Variants in TEX11 observed in about 807,000 individuals in gnomAD.
TEX11 encodes the protein testis-expressed protein 11.
Under a neutral mutation model 84.4 loss-of-function variants are expected in TEX11, and 7 were observed. The observed-to-expected ratio is 0.08, with a 90% confidence interval of 0.05 to 0.16. The LOEUF (loss-of-function observed/expected upper bound fraction) is 0.16, where lower values mean the gene tolerates loss of function less well. Ranked by LOEUF, TEX11 falls within the 10% of genes least tolerant of loss-of-function variation. The probability of loss-of-function intolerance (pLI) is 1.00; values close to 1 mark genes in which losing one functional copy is unlikely to be tolerated. For synonymous variants in TEX11, 264 were observed against 222.8 expected, an observed-to-expected ratio of 1.18 and a Z score of -1.64; for missense variants, 551 against 660.5, an observed-to-expected ratio of 0.83 and a Z score of 1.82.
At chrX:70,809,230 G>T (rs2091237959) in intron 8 of TEX11, among the ~76,000 whole-genome samples, 1 of 111,814 alleles carries the variant, frequency 8.9e-6, no homozygotes, top group African/African-American at 3.2e-5. Context: ...AATTAGGGAA[G>T]AAACAATACC....
intron 25 of TEX11, among the ~76,000 whole-genome samples, chrX:70,574,191 T>A (rs1359591939): frequency 8.9e-6 from 1 of 111,943 alleles, no homozygotes; most frequent in Non-Finnish European, 1.9e-5. Context: ...ATATAGAGAC[T>A]CTGACTCCAA....
chrX:70,552,216 T>C lies in TEX11; in HGVS notation c.2430A>G (p.Ser810=), dbSNP rs1288672012. ...SKCMHNLVNL[S]VPDGASNVEL... is the part of the protein sequence containing the mutation. ...CTACATTCGACGCCCCATCTGGCACTGAGAGGTTAACCAAGTTGTGCATAC... is the reference window on the plus strand; with the variant it reads ...CTACATTCGACGCCCCATCTGGCACCGAGAGGTTAACCAAGTTGTGCATAC... Residue 810 remains serine (S), a synonymous_variant, in exon 28 of 30, where the codon TCA becomes TCG. Transcript: ENST00000374333. 1.7e-6 allele frequency: 2 copies of C among 1,210,298 alleles called. No homozygotes were observed.
At chrX:70,806,845 T>C (rs1384012362) in intron 8 of TEX11, 55 bp from the exon 9 acceptor site, 1 of 895,343 alleles carries the variant, frequency 1.1e-6, no homozygotes, top group Admixed American at 3.0e-5. Context: ...CCCAACACAC[T>C]TTGGGAGGCC....
chrX:70,605,788 C>T, intron 23 of TEX11, among the ~76,000 whole-genome samples: 1 of 111,712 alleles, frequency 9.0e-6, no homozygotes, highest in East Asian at 2.8e-4. Context: ...TATCATTCGC[C>T]CTTGTATTTC....
At chrX:70,620,099 C>T (rs1372650222) in intron 20 of TEX11, among the ~76,000 whole-genome samples, 1 of 111,312 alleles carries the variant, frequency 9.0e-6, no homozygotes, top group African/African-American at 3.3e-5. Context: ...GCTGGGATTA[C>T]AGTTGTGAGC....
At chrX:70,635,885 T>C (rs1211572666) in intron 17 of TEX11, among the ~76,000 whole-genome samples, 43 of 111,209 alleles carry the variant, frequency 3.9e-4, no homozygotes. Context: ...TCTGTACCCC[T>C]GGCCATAGGT....
chrX:70,785,753 T>C (rs1382537683), intron 9 of TEX11, among the ~76,000 whole-genome samples: 2 of 111,518 alleles, frequency 1.8e-5, no homozygotes, highest in African/African-American at 6.5e-5. Flanking sequence ...GAAATGCAAA[T>C]CAAAACCACA....
intron 15 of TEX11, among the ~76,000 whole-genome samples, chrX:70,676,767 T>G (rs192249227): frequency 6.8e-4 from 76 of 112,243 alleles, no homozygotes; most frequent in African/African-American, 2.4e-3. Flanking sequence ...TTTAATTTTT[T>G]TAAGGGTTTT....
the TEX11 span, among the ~76,000 whole-genome samples, chrX:70,516,676 A>T: frequency 1.8e-5 from 2 of 110,829 alleles, no homozygotes; most frequent in South Asian, 7.8e-4. Flanking sequence ...TGGTAGCTTG[A>T]TGGGGATGGC....
intron 8 of TEX11, among the ~76,000 whole-genome samples, chrX:70,826,072 G>A (rs1037458416): frequency 1.8e-5 from 2 of 111,129 alleles, no homozygotes; most frequent in African/African-American, 6.5e-5. Context: ...GGGAGGCCAC[G>A]GTGGGTGGCT....
chrX:70,642,513 A>G (rs1159532478), intron 17 of TEX11, among the ~76,000 whole-genome samples: 2 of 105,908 alleles, frequency 1.9e-5, no homozygotes, highest in Non-Finnish European at 3.9e-5. Context: ...TGATGCAAAA[A>G]TCCTCAATAA....
chrX:70,660,405 CAT>C (rs1194381949), intron 16 of TEX11, among the ~76,000 whole-genome samples: 2 of 112,729 alleles, frequency 1.8e-5, no homozygotes, highest in African/African-American at 6.4e-5. Flanking sequence ...AAAATACAAA[CAT>C]TGTACAGTTG....
At chrX:70,566,887 C>A (rs898710340) in intron 25 of TEX11, among the ~76,000 whole-genome samples, 2 of 111,296 alleles carry the variant, frequency 1.8e-5, no homozygotes, top group African/African-American at 3.3e-5. Flanking sequence ...TGTCTCTGCC[C>A]GGCTTTGGTA....
chrX:70,679,279 C>T (rs1184877633), intron 14 of TEX11, among the ~76,000 whole-genome samples: 8 of 111,064 alleles, frequency 7.2e-5, no homozygotes, highest in African/African-American at 9.8e-5. Flanking sequence ...GGCGTGATCT[C>T]GGCTCGCTAC....
At chrX:70,674,239 T>C (rs2090049810) in intron 15 of TEX11, among the ~76,000 whole-genome samples, 1 of 112,674 alleles carries the variant, frequency 8.9e-6, no homozygotes, top group African/African-American at 3.2e-5. Flanking sequence ...TCTTTTCTTT[T>C]TTATGGCTGC....
rs148000580 is a variant in TEX11 at position 70,791,103 on chromosome X, T to A, written c.692+15602A>T. 3.6e-3 allele frequency among the ~76,000 whole-genome samples: 403 copies of A among 111,311 alleles called. 2 individuals carry two copies. Among genetic ancestry groups the A allele is most frequent in the African/African-American group, 9.3e-3 (284 of 30,605 alleles). On this transcript the variant is annotated intron_variant, in intron 9 of 29. Transcript: ENST00000374333. ...GGGACATGGATGAAGCTGGAAACCATCATCTGCTATCTTTAAGAGATGCAT... is the reference window on the plus strand; with the variant it reads ...GGGACATGGATGAAGCTGGAAACCAACATCTGCTATCTTTAAGAGATGCAT...
Position 70,792,347 on chromosome X carries a change from TATATATATATAC to T in TEX11, c.692+14346_692+14357del, listed in dbSNP as rs1258072289. 5.0e-3 allele frequency among the ~76,000 whole-genome samples: 62 copies of T among 12,479 alleles called. 5 individuals carry two copies. Among genetic ancestry groups the T allele is most frequent in the African/African-American group, 0.014 (24 of 1,701 alleles). 10.8% of individuals were successfully genotyped at this position (12,479 alleles called of 115,157 possible). A position where few individuals can be genotyped will look rare whatever the true frequency, so the allele number is the denominator to read the frequency against. On this transcript the variant is annotated intron_variant, in intron 9 of 29. Coordinates refer to ENST00000374333, the MANE Select transcript of TEX11 (RefSeq NM_031276.3). ...ATATATATATATATATATATATATA[TATATATATATAC>T]ACACACAAATATATATCTGGGATGC...
intron 9 of TEX11, among the ~76,000 whole-genome samples, chrX:70,744,877 A>AT (rs773966964): frequency 0.02 from 1,944 of 97,984 alleles, 44 homozygotes; most frequent in African/African-American, 0.061. Context: ...TGCGTGGCTA[A>AT]TTTTTTTTTT....
chrX:70,613,276 T>C (rs941328357), intron 20 of TEX11, among the ~76,000 whole-genome samples: 4 of 111,660 alleles, frequency 3.6e-5, no homozygotes, highest in African/African-American at 1.3e-4. Flanking sequence ...AACTTCATAT[T>C]GTTGAAAGAG....
Sources: gnomAD v4.1 joint callset for allele counts (sites outside exome capture counted in the v4.1 genomes callset) on GRCh38, gnomAD v4.1.1 for gene constraint, MANE v1.5 for transcripts, NCBI Gene and HGNC (gene_info 2026-07-23, HGNC 2026-07-21) for gene names.